The following DBI variants were observed in gnomAD, a reference collection of about 807,000 sequenced individuals.
The protein encoded by DBI is acyl-CoA-binding protein.
DBI carries 12 observed loss-of-function variants against 13.0 expected under a neutral mutation model. The observed-to-expected ratio is 0.92, with a 90% CI of 0.59 to 1.49. DBI has a LOEUF of 1.49. Among genes scored for constraint, DBI ranks in the 40% most tolerant of loss-of-function variants. The pLI is 0.00. For synonymous variants in DBI, 37 were observed against 37.4 expected, an observed-to-expected ratio of 0.99 and a Z score of 0.04; for missense variants, 95 against 104.8, an observed-to-expected ratio of 0.91 and a Z score of 0.41.
In DBI at chr2:119,368,149, A is replaced by C. The variant is rs1681209636; in HGVS notation, c.10-39A>C. ...GTAGGATTCTTACCCTCTCCCACCC[A>C]GAGGAGGCCCTCAATCCTCTCCTCT... is the stretch of plus-strand genomic sequence containing the variant. On this transcript the variant is annotated intron_variant, in intron 1 of 3. Transcript: ENST00000355857. The C allele has an allele frequency of 1.9e-6, 3 of 1,573,682 alleles. No homozygotes were observed. The African/African-American group carries it at 4.1e-5, about 21-fold the overall frequency.
Position 119,368,168 on chromosome 2 carries a change from C to G in DBI, c.10-20C>G. 1 of 1,605,058 alleles carries G rather than the reference C, an allele frequency of 6.2e-7. No individual in the cohort carries two copies. The highest frequency in any genetic ancestry group is 8.5e-7 in the Non-Finnish European group (1 of 1,172,668). On this transcript the variant is annotated intron_variant, in intron 1 of 3. Coordinates refer to ENST00000355857, the MANE Select transcript of DBI (RefSeq NM_001079862.4). ...CCACCCAGAGGAGGCCCTCAATCCT[C>G]TCCTCTCCCTTCCATTTAGGCTGAG...
Position 119,367,033 on chromosome 2 carries a change from T to C in DBI, c.-19T>C, listed in dbSNP as rs748173773. ...CGCCTCCTCCGCTGTCTCCCTGGAGTTCTTGCAAGTCGGCCAGGATGTCTC... is the reference window on the plus strand; with the variant it reads ...CGCCTCCTCCGCTGTCTCCCTGGAGCTCTTGCAAGTCGGCCAGGATGTCTC... On this transcript the variant is annotated 5_prime_UTR_variant, in exon 1 of 4. Transcript: ENST00000355857. 3 of 1,613,752 alleles carry C rather than the reference T, an allele frequency of 1.9e-6. No individual in the cohort carries two copies. The highest frequency in any genetic ancestry group is 2.5e-6 in the Non-Finnish European group (3 of 1,179,892).
intron 2 of DBI, 138 bp downstream of exon 2, chr2:119,368,443 G>T: frequency 1.5e-6 from 1 of 682,910 alleles, no homozygotes; most frequent in East Asian, 2.5e-5. Context: ...GGTTCCTGAG[G>T]TGGAAAAGAC....
chr2:119,367,221 G>C, intron 1 of DBI, 161 bp downstream of exon 1: 1 of 1,444,080 alleles, frequency 6.9e-7, no homozygotes, highest in Non-Finnish European at 9.1e-7. Context: ...CCTTGTGAGC[G>C]GGATTTTCCG....
At chr2:119,371,156 G>A (rs183677660) in intron 3 of DBI, among the ~76,000 whole-genome samples, 10 of 152,274 alleles carry the variant, frequency 6.6e-5, no homozygotes, top group South Asian at 2.1e-4. Flanking sequence ...AAGGCCAGGC[G>A]GTGACCCCCT....
At chr2:119,369,387 G>A (rs537794026) in intron 2 of DBI, among the ~76,000 whole-genome samples, 3 of 152,156 alleles carry the variant, frequency 2.0e-5, no homozygotes, top group Non-Finnish European at 4.4e-5. Flanking sequence ...AGGTGTCATC[G>A]GCTCTCTCTA....
Position 119,372,439 on chromosome 2 carries a change from G to T in DBI, c.*121G>T, listed in dbSNP as rs1027731685. On this transcript the variant is annotated 3_prime_UTR_variant, in exon 4 of 4. Coordinates refer to ENST00000355857, the MANE Select transcript of DBI (RefSeq NM_001079862.4). ...TAACCAGTTAAACCAGCTACTCAAG[G>T]CTGCTCACCATACGGCTCTAACAGA... The T allele has an allele frequency of 2.8e-6, 2 of 727,154 alleles. No individual in the cohort carries two copies. The highest frequency in any genetic ancestry group is 1.8e-5 in the African/African-American group (1 of 57,072). The allele number at this position is 727,154 out of a possible 1,614,324, so 45.0% of individuals were successfully genotyped here.
Position 119,367,065 on chromosome 2 carries a change from A to G in DBI, c.9+5A>G, listed in dbSNP as rs752376790. 3.4e-5 allele frequency: 55 copies of G among 1,614,036 alleles called. No homozygotes were observed. The highest frequency in any genetic ancestry group is 4.6e-5 in the Non-Finnish European group (54 of 1,179,988). ...AAGTCGGCCAGGATGTCTCAGGTAC[A>G]GCGCGTGCACAGCCAGGCTGCGAAG... On this transcript the variant is annotated splice_donor_5th_base_variant and intron_variant, in intron 1 of 3. Transcript: ENST00000355857.
At chr2:119,370,604 A>T in intron 2 of DBI, 136 bp from the exon 3 acceptor site, 1 of 723,962 alleles carries the variant, frequency 1.4e-6, no homozygotes, top group Non-Finnish European at 2.3e-6. Context: ...AACCCACTCT[A>T]CTAGACCTAT....
chr2:119,372,022 A>G (rs890236672), intron 3 of DBI, among the ~76,000 whole-genome samples: 3 of 152,218 alleles, frequency 2.0e-5, no homozygotes, highest in Admixed American at 6.5e-5. Flanking sequence ...TGGGCGACAG[A>G]TCTTGGCCAG....
At chr2:119,367,357 G>A (rs556499427) in intron 1 of DBI, 306 of 1,448,864 alleles carry the variant, frequency 2.1e-4, no homozygotes, top group Non-Finnish European at 2.6e-4. Flanking sequence ...GGGGGAAGGG[G>A]TTGCACGGAT....
intron 1 of DBI, chr2:119,367,928 GT>G: frequency 1.2e-6 from 2 of 1,614,250 alleles, no homozygotes; most frequent in Non-Finnish European, 1.7e-6. Flanking sequence ...TGATGCCTGC[GT>G]TTGTGAGAGC....
intron 1 of DBI, chr2:119,367,534 C>A: frequency 1.2e-6 from 2 of 1,607,498 alleles, no homozygotes; most frequent in Non-Finnish European, 1.7e-6. Flanking sequence ...GAGAGGTGAC[C>A]CAGGGGCCCC....
intron 3 of DBI, 114 bp downstream of exon 3, chr2:119,370,916 AC>A: frequency 2.3e-6 from 2 of 883,416 alleles, no homozygotes; most frequent in South Asian, 1.7e-5. Flanking sequence ...CGTGTGGGAA[AC>A]CAGCCTGACC....
At chr2:119,367,698 G>A (rs1178392161) in intron 1 of DBI, 2 of 1,611,812 alleles carry the variant, frequency 1.2e-6, no homozygotes, top group South Asian at 1.1e-5. Flanking sequence ...ACGGGCTCCG[G>A]CGCTGACACC....
rs1351757171 is a variant in DBI, at chr2:119,372,252, C to G, written c.198C>G (p.Ser66=). The G allele has an allele frequency of 6.2e-7, 1 of 1,613,184 alleles. No individual in the cohort carries two copies. The highest frequency in any genetic ancestry group is 8.5e-7 in the Non-Finnish European group (1 of 1,179,278). The change falls in exon 4 of 4, where the codon TCC becomes TCG. Residue 66 remains serine (S), a synonymous_variant. Coordinates refer to ENST00000355857, the MANE Select transcript of DBI (RefSeq NM_001079862.4). Reference sequence around the variant, plus strand: ...CCTGTCGATTCCTTACAGGGACTTCCAAGGAAGATGCCATGAAAGCTTACA... The same window carrying G: ...CCTGTCGATTCCTTACAGGGACTTCGAAGGAAGATGCCATGAAAGCTTACA... The part of the protein sequence containing the change: ...WDAWNELKGT[S]KEDAMKAYIN...
rs1681050304 is a variant in DBI, at chr2:119,367,062, T to C, written c.9+2T>C. On this transcript the variant is annotated splice_donor_variant, in intron 1 of 3. Transcript: ENST00000355857. LOFTEE classifies it high-confidence loss of function. ...TGCAAGTCGGCCAGGATGTCTCAGG[T>C]ACAGCGCGTGCACAGCCAGGCTGCG... 6.2e-7 allele frequency: 1 copy of C among 1,614,078 alleles called. No homozygotes were observed. The highest frequency in any genetic ancestry group is 8.5e-7 in the Non-Finnish European group (1 of 1,179,994).
chr2:119,367,795 G>A (rs1681158011), intron 1 of DBI: 2 of 1,611,040 alleles, frequency 1.2e-6, no homozygotes, highest in Admixed American at 1.7e-5. Context: ...TGCAGCCCCG[G>A]CCACTCCCTA....
Position 119,367,031 on chromosome 2 carries a change from A to T in DBI, c.-21A>T, listed in dbSNP as rs776864903. 5 of 1,613,866 alleles carry T rather than the reference A, an allele frequency of 3.1e-6. No homozygotes were observed. The highest frequency in any genetic ancestry group is 1.3e-5 in the African/African-American group (1 of 74,920). On this transcript the variant is annotated 5_prime_UTR_variant, in exon 1 of 4. Transcript: ENST00000355857. ...CTCGCCTCCTCCGCTGTCTCCCTGG[A>T]GTTCTTGCAAGTCGGCCAGGATGTC... is the stretch of plus-strand genomic sequence containing the variant.
Sources: gnomAD v4.1 joint callset for allele counts (sites outside exome capture counted in the v4.1 genomes callset) on GRCh38, gnomAD v4.1.1 for gene constraint, MANE v1.5 for transcripts, NCBI Gene and HGNC (gene_info 2026-07-23, HGNC 2026-07-21) for gene names.